SYN2: variants seen among roughly 807,000 people sequenced by gnomAD.
SYN2 encodes the protein synapsin-2.
A neutral mutation model predicts 50.9 loss-of-function variants in SYN2; 19 were observed. The observed-to-expected ratio is 0.37, with a 90% confidence interval of 0.26 to 0.55. The LOEUF (loss-of-function observed/expected upper bound fraction) is 0.55. SYN2 is among the 20% of genes least tolerant of loss of function. SYN2 has a pLI of 0.81. For synonymous variants in SYN2, 255 were observed against 224.9 expected (o/e 1.13, Z -1.20); for missense variants, 587 against 576.4 (o/e 1.02, Z -0.19).
At chr3:12,126,579 G>T (rs1559430396) in intron 1 of SYN2, among the ~76,000 whole-genome samples, 1 of 152,138 alleles carries the variant, frequency 6.6e-6, no homozygotes, top group African/African-American at 2.4e-5. Context: ...TTTGAATAAT[G>T]CCATATTTTA....
chr3:12,118,052 AGTGCG>A (rs1313967384), intron 1 of SYN2, among the ~76,000 whole-genome samples: 5 of 152,250 alleles, frequency 3.3e-5, no homozygotes, highest in African/African-American at 4.8e-5. Flanking sequence ...ATGTTTGTGC[AGTGCG>A]AAGTAGCATG....
intron 1 of SYN2, among the ~76,000 whole-genome samples, chr3:12,011,323 A>G (rs1418760457): frequency 6.6e-6 from 1 of 152,206 alleles, no homozygotes; most frequent in Non-Finnish European, 1.5e-5. Context: ...ATAAAGCTAC[A>G]ATATCTCTTT....
chr3:12,167,173 A>G (rs1426171970), intron 7 of SYN2, 61 bp from the exon 8 acceptor site: 19 of 1,549,888 alleles, frequency 1.2e-5, no homozygotes, highest in Non-Finnish European at 1.7e-5. Flanking sequence ...GGAAAGTTGC[A>G]TGCCCTCCTC....
In SYN2 at chr3:12,136,683, CAA is replaced by C. The variant is rs753001988; in HGVS notation, c.378-3967_378-3966del. Among the ~76,000 whole-genome samples, 7 of 152,122 alleles carry C rather than the reference CAA, an allele frequency of 4.6e-5. 1 individual carries two copies. The highest frequency in any genetic ancestry group is 2.1e-4 in the South Asian group (1 of 4,830). ...TGAAGGTATTCACTTCCTTGAGTAA[CAA>C]GAGTTAAATCTAGAAGCTTCTGCTC... is the stretch of plus-strand genomic sequence containing the variant. On this transcript the variant is annotated intron_variant, in intron 1 of 12. Coordinates refer to ENST00000621198, the MANE Select transcript of SYN2 (RefSeq NM_133625.6).
chr3:12,136,203 C>T (rs1696890241), intron 1 of SYN2, among the ~76,000 whole-genome samples: 1 of 152,194 alleles, frequency 6.6e-6, no homozygotes, highest in African/African-American at 2.4e-5. Flanking sequence ...ATGTTTGCTG[C>T]TTTTTGCTAA....
At position 12,161,625 on chromosome 3, in the gene SYN2, T is replaced by C; in HGVS notation, c.837+17T>C. ...ATGGGCAAGGTGAGGCAGAGAGGCC[T>C]GCTGTGCTTCAGGGTTGAACCAAGA... On this transcript the variant is annotated intron_variant, in intron 6 of 12. Coordinates refer to ENST00000621198, the MANE Select transcript of SYN2 (RefSeq NM_133625.6). 1 of 1,613,964 alleles carries C rather than the reference T, an allele frequency of 6.2e-7. No individual in the cohort carries two copies. The highest frequency in any genetic ancestry group is 8.5e-7 in the Non-Finnish European group (1 of 1,179,854).
intron 5 of SYN2, among the ~76,000 whole-genome samples, chr3:12,160,001 C>T (rs968345274): frequency 3.5e-5 from 5 of 143,772 alleles, no homozygotes; most frequent in African/African-American, 1.3e-4. Context: ...TGAGACTGTG[C>T]CACTGCACTC....
intron 1 of SYN2, among the ~76,000 whole-genome samples, chr3:12,051,924 C>T (rs1182818000): frequency 6.6e-6 from 1 of 152,212 alleles, no homozygotes; most frequent in Non-Finnish European, 1.5e-5. Flanking sequence ...TTACTAAATT[C>T]ACCGTGTATT....
intron 9 of SYN2, among the ~76,000 whole-genome samples, chr3:12,169,388 C>T (rs1005111985): frequency 3.3e-5 from 5 of 152,204 alleles, no homozygotes; most frequent in African/African-American, 1.2e-4. Flanking sequence ...AAAGCACATG[C>T]TCCTAATCAG....
chr3:12,130,848 A>T (rs1300382797), intron 1 of SYN2, among the ~76,000 whole-genome samples: 1 of 152,246 alleles, frequency 6.6e-6, no homozygotes, highest in African/African-American at 2.4e-5. Flanking sequence ...GTTTAAAGTG[A>T]CAAATCAACA....
At chr3:12,186,027 G>A (rs1347076525) in intron 11 of SYN2, among the ~76,000 whole-genome samples, 1 of 152,216 alleles carries the variant, frequency 6.6e-6, no homozygotes, top group Non-Finnish European at 1.5e-5. Flanking sequence ...TTGGTTAGAT[G>A]ATAAAGGGTA....
At chr3:12,095,986 A>C (rs538196011) in intron 1 of SYN2, among the ~76,000 whole-genome samples, 1 of 152,172 alleles carries the variant, frequency 6.6e-6, no homozygotes, top group South Asian at 2.1e-4. Flanking sequence ...CTTCAAACTC[A>C]TCTCCTTCCC....
intron 3 of SYN2, among the ~76,000 whole-genome samples, chr3:12,143,243 A>T (rs893189370): frequency 6.6e-6 from 1 of 152,172 alleles, no homozygotes; most frequent in Non-Finnish European, 1.5e-5. Flanking sequence ...CAGAACTGGG[A>T]CACAAGAAGG....
At chr3:12,110,829 C>A (rs1574946324) in intron 1 of SYN2, among the ~76,000 whole-genome samples, 1 of 152,210 alleles carries the variant, frequency 6.6e-6, no homozygotes, top group East Asian at 1.9e-4. Flanking sequence ...TTTGGAAAGG[C>A]TGTATTTACC....
chr3:12,038,622 C>T (rs1295502074), intron 1 of SYN2, among the ~76,000 whole-genome samples: 1 of 151,950 alleles, frequency 6.6e-6, no homozygotes, highest in African/African-American at 2.4e-5. Context: ...AAGTCTTGTA[C>T]TTATTTTAAA....
At chr3:12,142,665 G>A (rs1364102560) in intron 3 of SYN2, among the ~76,000 whole-genome samples, 1 of 152,212 alleles carries the variant, frequency 6.6e-6, no homozygotes, top group Non-Finnish European at 1.5e-5. Context: ...GAGGTAATGA[G>A]AATTCCAGAC....
At chr3:12,103,258 G>A (rs1696113528) in intron 1 of SYN2, among the ~76,000 whole-genome samples, 2 of 152,060 alleles carry the variant, frequency 1.3e-5, no homozygotes, top group Non-Finnish European at 2.9e-5. Flanking sequence ...ATATAACAGA[G>A]CTTTGTTTAA....
At chr3:12,189,946 T>C (rs572163033) in intron 12 of SYN2, among the ~76,000 whole-genome samples, 1 of 152,312 alleles carries the variant, frequency 6.6e-6, no homozygotes, top group East Asian at 1.9e-4. Context: ...TTTACCAAAC[T>C]TGACAGATGA....
At position 12,119,320 on chromosome 3, in the gene SYN2, T is replaced by C. The variant is rs563020975; in HGVS notation, c.378-21331T>C. On this transcript the variant is annotated intron_variant, in intron 1 of 12. Transcript: ENST00000621198. Reference sequence around the variant, plus strand: ...CTTCCCTGTGAACATTCAGCTCTTTTGAACTGAGCTTCCCATCTCACTTTA... The same window carrying C: ...CTTCCCTGTGAACATTCAGCTCTTTCGAACTGAGCTTCCCATCTCACTTTA... 7.9e-5 allele frequency among the ~76,000 whole-genome samples: 12 copies of C among 152,352 alleles called. No homozygotes were observed. The South Asian group carries it at 2.3e-3, about 29-fold the overall frequency.
Sources: allele counts gnomAD v4.1 joint callset (sites outside exome capture counted in the v4.1 genomes callset), GRCh38; gene constraint gnomAD v4.1.1; transcripts MANE v1.5; gene names NCBI Gene and HGNC (gene_info 2026-07-23, HGNC 2026-07-21).